The following CCDC73 variants were observed in gnomAD, a reference collection of about 807,000 sequenced individuals.
CCDC73 encodes coiled-coil domain-containing protein 73.
In CCDC73, 95 loss-of-function variants were observed where a neutral mutation model predicts 116.5. That is an observed-to-expected ratio of 0.82 (90% CI 0.69 to 0.97). The LOEUF is 0.97. CCDC73 is among the 50% of genes least tolerant of loss of function. The pLI, the probability that CCDC73 is intolerant of heterozygous loss-of-function variation, is 0.00. For missense variants in CCDC73, 1,066 were observed against 1,206.8 expected (o/e 0.88, Z 1.73); for synonymous variants, 398 against 401.3 (o/e 0.99, Z 0.10).
At chr11:32,701,561 T>G (rs1849813309) in intron 4 of CCDC73, among the ~76,000 whole-genome samples, 1 of 151,992 alleles carries the variant, frequency 6.6e-6, no homozygotes, top group South Asian at 2.1e-4. Flanking sequence ...AAAAATTTTT[T>G]TAAGCACCTG....
rs1352484386 is a variant in CCDC73 at position 32,662,436 on chromosome 11, T to C, written c.646-7464A>G. Among the ~76,000 whole-genome samples the C allele has an allele frequency of 2.6e-5, 4 of 152,228 alleles. No individual in the cohort carries two copies. In the East Asian group the frequency reaches 5.8e-4, roughly 22 times the overall value. ...TGATTTGCATTTCTCTGATGGCCAG[T>C]GATGATGAGCATTTTTTCATGTGTC... On this transcript the variant is annotated intron_variant, in intron 9 of 17. Transcript: ENST00000335185.
At position 32,613,695 on chromosome 11, in the gene CCDC73, C is replaced by T. The variant is rs1481394593; in HGVS notation, c.2623G>A (p.Gly875Arg). 1 of 1,613,964 alleles carries T rather than the reference C, an allele frequency of 6.2e-7. No individual in the cohort carries two copies. The highest frequency in any genetic ancestry group is 1.6e-4 in the Middle Eastern group (1 of 6,084). The change falls in exon 16 of 18, where the codon GGA becomes AGA. Residue 875 changes from glycine (G) to arginine (R), a missense_variant. Transcript: ENST00000335185. ...ESHSFHIEPS[G>R]DLVNRSGRST... is the part of the protein sequence containing the mutation. ...CTTCCGCTTCTGTTTACTAAATCTC[C>T]AGATGGCTCTATGTGAAATGAATGT...
the CCDC73 span, among the ~76,000 whole-genome samples, chr11:32,828,858 G>A: frequency 6.6e-6 from 1 of 152,094 alleles, no homozygotes; most frequent in African/African-American, 2.4e-5. Flanking sequence ...AGACAACAAA[G>A]CTTACTTTTT....
intron 7 of CCDC73, among the ~76,000 whole-genome samples, chr11:32,676,321 C>A (rs1856088981): frequency 6.6e-6 from 1 of 152,092 alleles, no homozygotes; most frequent in African/African-American, 2.4e-5. Context: ...TGTTAATCAG[C>A]CTAACACTAA....
At chr11:32,627,322 A>G (rs2133234195) in intron 14 of CCDC73, among the ~76,000 whole-genome samples, 1 of 152,358 alleles carries the variant, frequency 6.6e-6, no homozygotes, top group South Asian at 2.1e-4. Flanking sequence ...AGGAAGCAAC[A>G]GGTGCTGGAG....
chr11:32,827,528 T>C, the CCDC73 span, among the ~76,000 whole-genome samples: 5 of 152,206 alleles, frequency 3.3e-5, no homozygotes, highest in Admixed American at 6.5e-5. Flanking sequence ...GGCAGACTCA[T>C]TTTACCAAGG....
At chr11:32,809,314 T>A in the CCDC73 span, among the ~76,000 whole-genome samples, 1 of 152,058 alleles carries the variant, frequency 6.6e-6, no homozygotes, top group Non-Finnish European at 1.5e-5. Context: ...ATAAGAAGCA[T>A]GGAGGAGTAG....
intron 14 of CCDC73, among the ~76,000 whole-genome samples, chr11:32,617,369 C>T (rs1282904787): frequency 6.6e-6 from 1 of 152,028 alleles, no homozygotes; most frequent in Non-Finnish European, 1.5e-5. Context: ...TCAATAGGCA[C>T]ATCAAACAGT....
the CCDC73 span, among the ~76,000 whole-genome samples, chr11:32,821,928 A>G: frequency 1.3e-5 from 2 of 152,210 alleles, no homozygotes; most frequent in African/African-American, 4.8e-5. Context: ...TGAACTAAAA[A>G]TCTCCGTGGA....
At chr11:32,734,425 C>CTT (rs34093038) in intron 2 of CCDC73, among the ~76,000 whole-genome samples, 3 of 131,364 alleles carry the variant, frequency 2.3e-5, no homozygotes, top group Non-Finnish European at 1.6e-5. Flanking sequence ...ATTTTTTTTT[C>CTT]TTTTTTTTTT....
chr11:32,683,636 G>A, intron 6 of CCDC73, 62 bp from the exon 7 acceptor site: 2 of 972,740 alleles, frequency 2.1e-6, no homozygotes, highest in East Asian at 4.8e-5. Flanking sequence ...AAATTCCTCT[G>A]ATATCAAAAG....
intron 1 of CCDC73, among the ~76,000 whole-genome samples, chr11:32,782,201 G>A (rs1850590280): frequency 6.6e-6 from 1 of 152,154 alleles, no homozygotes; most frequent in African/African-American, 2.4e-5. Context: ...ACATTATGGT[G>A]AGTTGTATAA....
In CCDC73 at chr11:32,613,599, G is replaced by A; in HGVS notation, c.2719C>T (p.Pro907Ser). Residue 907 changes from proline (P) to serine (S), a missense_variant, in exon 16 of 18, where the codon CCC (proline) becomes TCC (serine). Coordinates refer to ENST00000335185, the MANE Select transcript of CCDC73 (RefSeq NM_001008391.4). ...TGATTTACTTTTGACCAAGGACCGG[G>A]GTCTGAAAAATTCATGTATACTGGA... is the stretch of plus-strand genomic sequence containing the variant. The part of the protein sequence containing the change: ...KTPVYMNFSD[P>S]GPWSKVNHIE... The A allele has an allele frequency of 6.2e-7, 1 of 1,613,920 alleles. No homozygotes were observed. Among genetic ancestry groups the A allele is most frequent in the Non-Finnish European group, 8.5e-7 (1 of 1,179,978 alleles).
At chr11:32,740,661 TC>T (rs1275979396) in intron 2 of CCDC73, among the ~76,000 whole-genome samples, 1 of 152,024 alleles carries the variant, frequency 6.6e-6, no homozygotes, top group Non-Finnish European at 1.5e-5. Flanking sequence ...GTATTGTTTT[TC>T]TTGTTTCATT....
At position 32,711,412 on chromosome 11, in the gene CCDC73, T is replaced by C. The variant is rs533399100; in HGVS notation, c.207+6664A>G. On this transcript the variant is annotated intron_variant, in intron 3 of 17. Coordinates refer to ENST00000335185, the MANE Select transcript of CCDC73 (RefSeq NM_001008391.4). ...GTCCAAATGCCCATCAATCAACAAG[T>C]AGATAAAGAAAATATGGTATACACA... Among the ~76,000 whole-genome samples the C allele has an allele frequency of 2.6e-5, 4 of 152,036 alleles. No individual in the cohort carries two copies. The East Asian group carries it at 7.7e-4, about 29-fold the overall frequency.
chr11:32,660,688 G>A (rs986475292), intron 9 of CCDC73, among the ~76,000 whole-genome samples: 34 of 152,002 alleles, frequency 2.2e-4, no homozygotes, highest in African/African-American at 8.2e-4. Flanking sequence ...GTCAGGCATA[G>A]TGGCATGCCT....
At chr11:32,608,010 A>G (rs947335195) in intron 17 of CCDC73, among the ~76,000 whole-genome samples, 8 of 103,232 alleles carry the variant, frequency 7.7e-5, no homozygotes, top group African/African-American at 2.8e-4. Context: ...CAAGAACAGC[A>G]TAGGAAAGAC....
At chr11:32,637,853 A>C (rs1205170963) in intron 13 of CCDC73, among the ~76,000 whole-genome samples, 1 of 152,120 alleles carries the variant, frequency 6.6e-6, no homozygotes, top group African/African-American at 2.4e-5. Context: ...TCTCCTCCCC[A>C]ACCTCTCTCC....
At chr11:32,698,778 A>G (rs1442540649) in intron 6 of CCDC73, among the ~76,000 whole-genome samples, 1 of 152,174 alleles carries the variant, frequency 6.6e-6, no homozygotes, top group Non-Finnish European at 1.5e-5. Context: ...GACCCTCAAT[A>G]TATATTGAAT....
Sources: gnomAD v4.1 joint callset for allele counts (sites outside exome capture counted in the v4.1 genomes callset) on GRCh38, gnomAD v4.1.1 for gene constraint, MANE v1.5 for transcripts, NCBI Gene and HGNC (gene_info 2026-07-23, HGNC 2026-07-21) for gene names.